Variants in CDH19 observed in about 807,000 individuals in gnomAD.
CDH19 encodes cadherin-19.
Under a neutral mutation model 64.2 loss-of-function variants are expected in CDH19, and 67 were observed. That is an observed-to-expected ratio of 1.04 (90% confidence interval 0.86 to 1.28). CDH19 has a LOEUF of 1.28. Ranked by LOEUF, CDH19 falls within the 50% of genes most tolerant of loss-of-function variation. The probability of loss-of-function intolerance (pLI) is 0.00; values close to 1 mark genes in which losing one functional copy is unlikely to be tolerated. For missense variants in CDH19, 1,030 were observed against 929.0 expected (o/e 1.11, Z -1.41); for synonymous variants, 346 against 319.3 (o/e 1.08, Z -0.89).
intron 2 of CDH19, 30 bp from the exon 3 acceptor site, chr18:66,568,740 T>C (rs774786860): frequency 1.3e-6 from 2 of 1,531,946 alleles, no homozygotes; most frequent in Admixed American, 3.9e-5. Flanking sequence ...TCATTTAGTT[T>C]CCAAACATCT....
At position 66,552,798 on chromosome 18, in the gene CDH19, G is replaced by A. The variant is rs965131644; in HGVS notation, c.611-1540C>T. Among the ~76,000 whole-genome samples the A allele has an allele frequency of 6.7e-5, 9 of 134,168 alleles. 3 individuals carry two copies. The highest frequency in any genetic ancestry group is 3.1e-4 in the African/African-American group (9 of 29,028). 88.0% of individuals were successfully genotyped at this position (134,168 alleles called of 152,430 possible). ...GTTAAAAAGTCAGTGTGCAGGGTAG[G>A]GGCTGGGGGTGGAAAGAAAACATGG... is the stretch of plus-strand genomic sequence containing the variant. On this transcript the variant is annotated intron_variant, in intron 4 of 11. Coordinates refer to ENST00000262150, the MANE Select transcript of CDH19 (RefSeq NM_021153.4).
intron 9 of CDH19, among the ~76,000 whole-genome samples, chr18:66,517,069 G>A (rs1198913546): frequency 3.9e-5 from 6 of 152,086 alleles, no homozygotes; most frequent in Non-Finnish European, 1.5e-5. Context: ...GGACATCTGA[G>A]TTGTTTTCTC....
intron 8 of CDH19, 119 bp from the exon 9 acceptor site, chr18:66,530,085 A>G (rs1986384769): frequency 7.1e-6 from 3 of 421,884 alleles, no homozygotes; most frequent in Non-Finnish European, 1.2e-5. Flanking sequence ...GAAAAAAGCA[A>G]TCTGAGGACA....
chr18:66,573,756 T>C (rs1169530468), intron 1 of CDH19, among the ~76,000 whole-genome samples: 1 of 151,580 alleles, frequency 6.6e-6, no homozygotes, highest in Non-Finnish European at 1.5e-5. Flanking sequence ...ATAAATAAAA[T>C]AGTGTAATGA....
intron 3 of CDH19, among the ~76,000 whole-genome samples, chr18:66,565,382 CA>C (rs1987870566): frequency 6.6e-6 from 1 of 151,814 alleles, no homozygotes; most frequent in Non-Finnish European, 1.5e-5. Context: ...TAATTCAAAC[CA>C]AATTCTGAGT....
Position 66,555,516 on chromosome 18 carries a change from T to C in CDH19, c.491-992A>G, listed in dbSNP as rs544978922. Among the ~76,000 whole-genome samples the C allele has an allele frequency of 3.3e-5, 5 of 151,928 alleles. No individual in the cohort carries two copies. The South Asian group carries it at 1.0e-3, about 31-fold the overall frequency. On this transcript the variant is annotated intron_variant, in intron 3 of 11. Coordinates refer to ENST00000262150, the MANE Select transcript of CDH19 (RefSeq NM_021153.4). ...TTTTGTCTTAATATTTTTATAATGC[T>C]ATTTAACATTTGTTTTAATATCATA...
intron 2 of CDH19, among the ~76,000 whole-genome samples, chr18:66,569,702 T>C (rs539232581): frequency 6.6e-6 from 1 of 151,724 alleles, no homozygotes; most frequent in South Asian, 2.1e-4. Context: ...GCTTTTCATA[T>C]CAGAATTATT....
chr18:66,554,256 TAA>T, intron 4 of CDH19, 147 bp downstream of exon 4: 1 of 681,610 alleles, frequency 1.5e-6, no homozygotes, highest in Non-Finnish European at 2.4e-6. Context: ...GCTAAAAGAC[TAA>T]AAGTAATTAA....
chr18:66,501,353 C>A lies in CDH19; in HGVS notation c.*3459G>T, dbSNP rs747655170. The A allele has an allele frequency of 6.6e-6, 1 of 152,118 alleles. No individual in the cohort carries two copies. The highest frequency in any genetic ancestry group is 1.5e-5 in the Non-Finnish European group (1 of 68,038). 9.4% of individuals were successfully genotyped at this position (152,118 alleles called of 1,614,324 possible). A position where few individuals can be genotyped will look rare whatever the true frequency, so the allele number is the denominator to read the frequency against. On this transcript the variant is annotated 3_prime_UTR_variant, in exon 12 of 12. Coordinates refer to ENST00000262150, the MANE Select transcript of CDH19 (RefSeq NM_021153.4). ...GGGAGCTGAGTAATCTAATACAAAG[C>A]AAGACAAAGCCAGGGTCACTGGAAG... is the stretch of plus-strand genomic sequence containing the variant.
chr18:66,577,175 T>A (rs1988290086), intron 1 of CDH19, among the ~76,000 whole-genome samples: 1 of 151,820 alleles, frequency 6.6e-6, no homozygotes, highest in South Asian at 2.1e-4. Flanking sequence ...AAAATACAAT[T>A]AAATTAAAAT....
chr18:66,526,189 C>T (rs572997926), intron 9 of CDH19, among the ~76,000 whole-genome samples: 1 of 152,198 alleles, frequency 6.6e-6, no homozygotes, highest in African/African-American at 2.4e-5. Context: ...TTAATTCTGG[C>T]TTACCTATTG....
intron 3 of CDH19, among the ~76,000 whole-genome samples, chr18:66,566,499 G>GT (rs1320394428): frequency 1.3e-5 from 2 of 151,550 alleles, no homozygotes; most frequent in Admixed American, 6.6e-5. Context: ...TCCCTGTGGC[G>GT]TAACACCTTT....
intron 1 of CDH19, among the ~76,000 whole-genome samples, chr18:66,596,681 A>G (rs1439132415): frequency 6.6e-6 from 1 of 152,168 alleles, no homozygotes; most frequent in East Asian, 1.9e-4. Flanking sequence ...TTCCATGCTC[A>G]TGGATAGGAT....
Position 66,543,053 on chromosome 18 carries a change from T to C in CDH19, c.1214+918A>G, listed in dbSNP as rs139507976. On this transcript the variant is annotated intron_variant, in intron 7 of 11. Transcript: ENST00000262150. ...CTTTTTTGTTGTCGTTGAGACGGAG[T>C]CTCGCTTTGTCACCCAGGCCGGAGT... Among the ~76,000 whole-genome samples the C allele has an allele frequency of 5.6e-3, 856 of 152,104 alleles. 12 individuals are homozygous for C. The highest frequency in any genetic ancestry group is 0.019 in the African/African-American group (799 of 41,500).
In CDH19 at chr18:66,509,183, T is replaced by C. The variant is rs1443622570; in HGVS notation, c.1640A>G (p.Tyr547Cys). The change falls in exon 11 of 12, where the codon TAC (tyrosine) becomes TGC (cysteine). Residue 547 changes from tyrosine (Y) to cysteine (C), a missense_variant. Tyr to Cys is a radical substitution (Grantham distance 194). Transcript: ENST00000262150. The stretch of plus-strand genomic sequence containing the variant: ...ATTGTCGGCAATTAAGATGGAGATG[T>C]AGAAGACAGGTTCTTCTTGAAGGTT... ...GFNLQEEPVF[Y>C]ISILIADNGI... 2 of 1,612,514 alleles carry C rather than the reference T, an allele frequency of 1.2e-6. No individual in the cohort carries two copies. Among genetic ancestry groups the C allele is most frequent in the Admixed American group, 3.3e-5 (2 of 59,828 alleles).
intron 9 of CDH19, among the ~76,000 whole-genome samples, chr18:66,524,882 G>A (rs1433715630): frequency 2.0e-5 from 3 of 152,032 alleles, no homozygotes; most frequent in Non-Finnish European, 4.4e-5. Flanking sequence ...CAAAGAAGGT[G>A]CCACCTTTCT....
At chr18:66,596,792 AT>A (rs201078441) in intron 1 of CDH19, among the ~76,000 whole-genome samples, 1,700 of 152,170 alleles carry the variant, frequency 0.011, 38 homozygotes, top group African/African-American at 0.038. Flanking sequence ...ATTAAAAAAA[AT>A]CATACTAGGC....
chr18:66,580,523 T>C (rs1050727126), intron 1 of CDH19, among the ~76,000 whole-genome samples: 2 of 152,110 alleles, frequency 1.3e-5, no homozygotes, highest in African/African-American at 2.4e-5. Flanking sequence ...ATTACAATGA[T>C]TGAAATAAGT....
At chr18:66,522,758 A>G (rs956684757) in intron 9 of CDH19, among the ~76,000 whole-genome samples, 6 of 151,610 alleles carry the variant, frequency 4.0e-5, no homozygotes, top group Admixed American at 6.6e-5. Context: ...CCTAGGATTT[A>G]TGTATTTATT....
Sources: gnomAD v4.1 joint callset for allele counts (sites outside exome capture counted in the v4.1 genomes callset) on GRCh38, gnomAD v4.1.1 for gene constraint, MANE v1.5 for transcripts, NCBI Gene and HGNC (gene_info 2026-07-23, HGNC 2026-07-21) for gene names.